LIPA: variants seen among roughly 807,000 people sequenced by gnomAD.
LIPA encodes lipase A, lysosomal acid type, also known as lysosomal acid lipase/cholesteryl ester hydrolase.
A neutral mutation model predicts 40.6 loss-of-function variants in LIPA; 26 were observed. The ratio of observed to expected loss-of-function variants is 0.64; its 90% CI spans 0.47 to 0.89. LIPA has a LOEUF of 0.89. Among genes scored for constraint, LIPA ranks in the 40% least tolerant of loss-of-function variants. The pLI, the probability that LIPA is intolerant of heterozygous loss-of-function variation, is 0.00. For missense variants in LIPA, 455 were observed against 479.6 expected, an observed-to-expected ratio of 0.95 and a Z score of 0.48; for synonymous variants, 188 against 168.4, an observed-to-expected ratio of 1.12 and a Z score of -0.90.
At chr10:89,247,387 A>C (rs1239014401) in intron 2 of LIPA, 151 bp downstream of exon 2, 2 of 134,296 alleles carry the variant, frequency 1.5e-5, no homozygotes, top group African/African-American at 7.7e-5. Context: ...CTCAAAAAAA[A>C]AAAAAAAAAA....
rs779601441 is a variant in LIPA, at chr10:89,214,996, G to A, written c.1032C>T (p.His344=). The A allele has an allele frequency of 1.2e-5, 20 of 1,613,998 alleles. No individual in the cohort carries two copies. The Admixed American group carries it at 2.7e-4, about 22-fold the overall frequency. The stretch of plus-strand genomic sequence containing the variant: ...CGTCGTAGACATCTGCAAGCCAGTC[G>A]TGACCCCCGCTCCAGACTGCAGTCG... ...LVPTAVWSGG[H]DWLADVYDVN... The change falls in exon 10 of 10, where the codon CAC becomes CAT. Residue 344 remains histidine, a synonymous_variant. Coordinates refer to ENST00000336233, the MANE Select transcript of LIPA (RefSeq NM_000235.4).
At chr10:89,327,117 C>T (rs1843606742) in intron 1 of LIPA, among the ~76,000 whole-genome samples, 1 of 152,208 alleles carries the variant, frequency 6.6e-6, no homozygotes, top group Non-Finnish European at 1.5e-5. Context: ...TGTTTGGAGA[C>T]ATCCAATAGA....
At chr10:89,384,508 A>G in intron 2 of LIPA, 2 of 1,614,062 alleles carry the variant, frequency 1.2e-6, no homozygotes, top group South Asian at 2.2e-5. Context: ...AGATAAAGCA[A>G]TTACCCATTA....
intron 8 of LIPA, 43 bp from the exon 9 acceptor site, chr10:89,216,052 G>A: frequency 7.6e-7 from 1 of 1,311,118 alleles, no homozygotes; most frequent in African/African-American, 1.4e-5. Flanking sequence ...TGACACCAAA[G>A]TTAGAGATAA....
At chr10:89,310,833 A>G (rs2090542107) in intron 1 of LIPA, among the ~76,000 whole-genome samples, 1 of 152,220 alleles carries the variant, frequency 6.6e-6, no homozygotes, top group African/African-American at 2.4e-5. Context: ...GGAGGCTACC[A>G]AACAGGTAAA....
At chr10:89,259,060 T>A (rs1013709366) in intron 1 of LIPA, among the ~76,000 whole-genome samples, 1 of 152,256 alleles carries the variant, frequency 6.6e-6, no homozygotes, top group African/African-American at 2.4e-5. Context: ...GGCTAAAGGA[T>A]GGGGAAGAAG....
At chr10:89,242,259 C>G (rs1006072201) in intron 3 of LIPA, among the ~76,000 whole-genome samples, 1 of 152,178 alleles carries the variant, frequency 6.6e-6, no homozygotes, top group African/African-American at 2.4e-5. Context: ...TGGTGGGAAA[C>G]AGCATGCACA....
rs1459065726 is a variant in LIPA, at chr10:89,248,442, A to ATTTTATT, written c.-1-794_-1-793insAATAAAA. On this transcript the variant is annotated intron_variant, in intron 1 of 9. Coordinates refer to ENST00000336233, the MANE Select transcript of LIPA (RefSeq NM_000235.4). ...AAGGAATTATTATTATTATTATTTT[A>ATTTTATT]TATTTATTTATTTATTTATTTATTT... 1.7e-3 allele frequency among the ~76,000 whole-genome samples: 236 copies of ATTTTATT among 136,398 alleles called. 2 individuals carry two copies. Among genetic ancestry groups the ATTTTATT allele is most frequent in the Middle Eastern group, 4.0e-3 (1 of 250 alleles). 89.5% of individuals were successfully genotyped at this position (136,398 alleles called of 152,430 possible). A position where few individuals can be genotyped will look rare whatever the true frequency, so the allele number is the denominator to read the frequency against.
In LIPA at chr10:89,225,209, C is replaced by A. The variant is rs1357894906; in HGVS notation, c.558G>T (p.Gln186His). The A allele has an allele frequency of 3.7e-6, 6 of 1,614,060 alleles. No individual in the cohort carries two copies. The highest frequency in any genetic ancestry group is 4.2e-6 in the Non-Finnish European group (5 of 1,180,032). Residue 186 changes from glutamine (Q) to histidine (H), a missense_variant, in exon 6 of 10, where the codon CAG becomes CAT. By Grantham distance (24) the Gln-to-His change is conservative. Transcript: ENST00000336233. Reference protein sequence around the residue: ...GTTIGFIAFSQIPELAKRIKM... With the variant: ...GTTIGFIAFSHIPELAKRIKM... ...TAATCCTTTTAGCCAGCTCAGGGAT[C>A]TGTGAAAATGCTATAAAACCTGTGA...
intron 1 of LIPA, among the ~76,000 whole-genome samples, chr10:89,294,290 T>C (rs779009811): frequency 6.6e-6 from 1 of 152,230 alleles, no homozygotes; most frequent in Admixed American, 6.5e-5. Context: ...TATAACAGAA[T>C]ACCACAGATG....
intron 2 of LIPA, among the ~76,000 whole-genome samples, chr10:89,354,768 G>A (rs377616308): frequency 7.2e-5 from 11 of 152,208 alleles, no homozygotes; most frequent in South Asian, 2.1e-4. Flanking sequence ...GGGTTTCACC[G>A]TCTTGGCCAG....
rs1246141508 is a variant in LIPA, at chr10:89,389,967, ATTTC to A, written c.61+22820_61+22823del. On this transcript the variant is annotated intron_variant, in intron 2 of 8. Coordinates refer to the LIPA transcript ENST00000371837. Reference sequence around the variant, plus strand: ...AGGTCTACATCAAAATCACCTGAAGATTTCTTTCTTTTTTTTTTTTTTTTTTTTT... The same window carrying A: ...AGGTCTACATCAAAATCACCTGAAGATTTCTTTTTTTTTTTTTTTTTTTTT... Among the ~76,000 whole-genome samples, 3 of 132,468 alleles carry A rather than the reference ATTTC, an allele frequency of 2.3e-5. No individual in the cohort carries two copies. The South Asian group carries it at 7.3e-4, about 32-fold the overall frequency. 86.9% of individuals were successfully genotyped at this position (132,468 alleles called of 152,430 possible).
At chr10:89,360,842 T>C (rs1004768502) in intron 2 of LIPA, among the ~76,000 whole-genome samples, 3 of 152,228 alleles carry the variant, frequency 2.0e-5, no homozygotes, top group Admixed American at 2.0e-4. Flanking sequence ...AAATTTGTTC[T>C]CTCTCAGTTT....
At chr10:89,280,354 G>C (rs1240623563) in intron 1 of LIPA, among the ~76,000 whole-genome samples, 1 of 152,192 alleles carries the variant, frequency 6.6e-6, no homozygotes, top group African/African-American at 2.4e-5. Flanking sequence ...AAGTGAACGT[G>C]CTCTCAGGCA....
chr10:89,383,629 T>C (rs745323238), intron 2 of LIPA: 2 of 1,614,210 alleles, frequency 1.2e-6, no homozygotes, highest in South Asian at 1.1e-5. Flanking sequence ...CTGGGTGTAT[T>C]ACCACATGGG....
At chr10:89,232,056 T>C (rs1842848979) in intron 3 of LIPA, among the ~76,000 whole-genome samples, 2 of 152,158 alleles carry the variant, frequency 1.3e-5, no homozygotes. Flanking sequence ...AAATTGATCA[T>C]TAAAAATCCA....
intron 1 of LIPA, among the ~76,000 whole-genome samples, chr10:89,270,032 G>C (rs1589584321): frequency 6.6e-6 from 1 of 152,234 alleles, no homozygotes; most frequent in Non-Finnish European, 1.5e-5. Flanking sequence ...GCAAAGTGCA[G>C]ATGGACCTTG....
chr10:89,299,931 A>G (rs992924448), intron 1 of LIPA, among the ~76,000 whole-genome samples: 2 of 152,262 alleles, frequency 1.3e-5, no homozygotes, highest in African/African-American at 4.8e-5. Flanking sequence ...TATCCAAAGG[A>G]AAATAAATCA....
At chr10:89,362,096 G>A (rs1253510809) in intron 2 of LIPA, among the ~76,000 whole-genome samples, 1 of 151,748 alleles carries the variant, frequency 6.6e-6, no homozygotes, top group East Asian at 1.9e-4. Context: ...TAGAGCTAGA[G>A]TTTTGCCATG....
Sources: gnomAD v4.1 joint callset for allele counts (sites outside exome capture counted in the v4.1 genomes callset) on GRCh38, gnomAD v4.1.1 for gene constraint, MANE v1.5 for transcripts, NCBI Gene and HGNC (gene_info 2026-07-23, HGNC 2026-07-21) for gene names.